TPTE: variants seen among roughly 807,000 people sequenced by gnomAD.
TPTE encodes transmembrane phosphatase with tensin homology, also known as putative tyrosine-protein phosphatase TPTE.
Under a neutral mutation model 84.1 loss-of-function variants are expected in TPTE, and 59 were observed. The ratio of observed to expected loss-of-function variants is 0.70; its 90% confidence interval spans 0.57 to 0.87. The LOEUF (loss-of-function observed/expected upper bound fraction) is 0.87. TPTE is among the 40% of genes least tolerant of loss of function. The pLI is 0.00. For synonymous variants in TPTE, 130 were observed against 223.5 expected, an observed-to-expected ratio of 0.58 and a Z score of 3.73; for missense variants, 382 against 659.6, an observed-to-expected ratio of 0.58 and a Z score of 4.61.
intron 14 of TPTE, among the ~76,000 whole-genome samples, chr21:10,571,996 C>T (rs1220591483): frequency 1.3e-3 from 197 of 151,138 alleles, no homozygotes; most frequent in African/African-American, 4.8e-3. Context: ...CAGAGTGATA[C>T]CCTGTCTCAA....
chr21:10,538,534 A>G lies in TPTE; in HGVS notation c.-43-147A>G, dbSNP rs575185555. The G allele has an allele frequency of 4.1e-5, 52 of 1,264,164 alleles. No homozygotes were observed. The South Asian group carries it at 5.6e-4, about 14-fold the overall frequency. 78.3% of individuals were successfully genotyped at this position (1,264,164 alleles called of 1,614,324 possible). A position where few individuals can be genotyped will look rare whatever the true frequency, so the allele number is the denominator to read the frequency against. On this transcript the variant is annotated intron_variant, in intron 3 of 23. Coordinates refer to ENST00000618007, the MANE Select transcript of TPTE (RefSeq NM_199261.4). ...ATAAATCCTCCTTTTTAATTAAAAA[A>G]TGACATTTCAGAACCAAATAGTGCT...
rs868862584 is a variant in TPTE, at chr21:10,600,493, C to T, written c.1357-1565C>T. On this transcript the variant is annotated intron_variant, in intron 21 of 23. Transcript: ENST00000618007. ...GCTGGTCTTTTTCCCTCCATTTGGA[C>T]TAGATTCTGTTTTCAGAGCTCTTCT... Among the ~76,000 whole-genome samples the T allele has an allele frequency of 5.2e-5, 8 of 152,400 alleles. No homozygotes were observed. In the East Asian group the frequency reaches 7.7e-4, roughly 15 times the overall value.
chr21:10,601,178 A>C (rs574027828), intron 21 of TPTE, among the ~76,000 whole-genome samples: 262 of 151,698 alleles, frequency 1.7e-3, no homozygotes, highest in Non-Finnish European at 3.1e-3. Flanking sequence ...CTAATGGAAA[A>C]TTCAATACTT....
At chr21:10,602,481 G>T (rs2145809146) in intron 22 of TPTE, among the ~76,000 whole-genome samples, 1 of 152,414 alleles carries the variant, frequency 6.6e-6, no homozygotes, top group African/African-American at 2.4e-5. Context: ...ATTACATTTT[G>T]TTTTGCATCT....
chr21:10,531,302 TACTC>T (rs2074174325), intron 3 of TPTE, among the ~76,000 whole-genome samples: 1 of 152,310 alleles, frequency 6.6e-6, no homozygotes, highest in East Asian at 1.9e-4. Context: ...GGTGAGTGAG[TACTC>T]ACTCTATTAG....
At chr21:10,583,974 C>T (rs1468877866) in intron 17 of TPTE, among the ~76,000 whole-genome samples, 1 of 152,312 alleles carries the variant, frequency 6.6e-6, no homozygotes, top group African/African-American at 2.4e-5. Flanking sequence ...TTTAGGTCAT[C>T]TATATTTCCA....
intron 21 of TPTE, among the ~76,000 whole-genome samples, chr21:10,599,585 TTA>T (rs1253936504): frequency 6.6e-6 from 1 of 152,424 alleles, no homozygotes; most frequent in South Asian, 2.1e-4. Context: ...TAAATAAGTG[TTA>T]TATGTGATAA....
intron 10 of TPTE, among the ~76,000 whole-genome samples, chr21:10,563,041 T>C (rs568808753): frequency 1.3e-5 from 2 of 152,308 alleles, no homozygotes; most frequent in African/African-American, 4.8e-5. Context: ...ACGATGGCGC[T>C]ACAATATATC....
rs750982678 is a variant in TPTE, at chr21:10,541,065, A to G, written c.12-47A>G. The G allele has an allele frequency of 1.8e-5, 29 of 1,610,902 alleles. No individual in the cohort carries two copies. In the South Asian group the frequency reaches 2.5e-4, roughly 14 times the overall value. On this transcript the variant is annotated intron_variant, in intron 4 of 23. Coordinates refer to ENST00000618007, the MANE Select transcript of TPTE (RefSeq NM_199261.4). ...TAACTGTAGCTATTTGTTGCAAAAC[A>G]TTAGAATTACGCATTGGGTCTGACT...
Position 10,534,847 on chromosome 21 carries a change from G to A in TPTE, c.-43-3834G>A, listed in dbSNP as rs545904870. Among the ~76,000 whole-genome samples the A allele has an allele frequency of 1.0e-4, 16 of 152,418 alleles. No homozygotes were observed. The East Asian group carries it at 2.9e-3, about 28-fold the overall frequency. On this transcript the variant is annotated intron_variant, in intron 3 of 23. Transcript: ENST00000618007. ...AAGTCTACTTCTTCCTAGCTGAGTTGACTAGTAGCTAAAACTTTCAGAAAA... is the reference window on the plus strand; with the variant it reads ...AAGTCTACTTCTTCCTAGCTGAGTTAACTAGTAGCTAAAACTTTCAGAAAA...
intron 21 of TPTE, 100 bp from the exon 22 acceptor site, chr21:10,601,958 A>AAG: frequency 1.5e-6 from 2 of 1,356,136 alleles, no homozygotes; most frequent in Non-Finnish European, 2.1e-6. Flanking sequence ...GTGAGACCAA[A>AAG]AGTACTTGAT....
chr21:10,578,875 T>A (rs2075217307), intron 17 of TPTE, among the ~76,000 whole-genome samples: 1 of 152,306 alleles, frequency 6.6e-6, no homozygotes, highest in Non-Finnish European at 1.5e-5. Context: ...GTATTTGGAT[T>A]TCTTTATTTT....
intron 10 of TPTE, among the ~76,000 whole-genome samples, chr21:10,564,040 G>C (rs1185376296): frequency 6.6e-6 from 1 of 152,312 alleles, no homozygotes; most frequent in African/African-American, 2.4e-5. Context: ...CGTAGTCCCA[G>C]CTACTCAGGA....
intron 3 of TPTE, among the ~76,000 whole-genome samples, chr21:10,536,761 A>C: frequency 6.6e-6 from 1 of 152,310 alleles, no homozygotes; most frequent in Admixed American, 6.5e-5. Context: ...AAAAAGGAAC[A>C]GGGCAAAAAA....
intron 8 of TPTE, among the ~76,000 whole-genome samples, chr21:10,555,915 C>T (rs1372677972): frequency 6.6e-6 from 1 of 152,312 alleles, no homozygotes; most frequent in Admixed American, 6.5e-5. Flanking sequence ...GCCTTTACTT[C>T]TATCTTCTTC....
At chr21:10,544,334 AAG>A (rs1317191840) in intron 7 of TPTE, among the ~76,000 whole-genome samples, 13 of 152,414 alleles carry the variant, frequency 8.5e-5, no homozygotes, top group African/African-American at 2.6e-4. Flanking sequence ...AAATTTTTAA[AAG>A]AATTTATTTT....
chr21:10,566,188 A>C (rs1359091110), intron 10 of TPTE, among the ~76,000 whole-genome samples: 3 of 152,312 alleles, frequency 2.0e-5, no homozygotes, highest in African/African-American at 4.8e-5. Context: ...CTAATCTTTT[A>C]AATGATAAGA....
At chr21:10,563,190 G>C (rs527767235) in intron 10 of TPTE, among the ~76,000 whole-genome samples, 22 of 152,406 alleles carry the variant, frequency 1.4e-4, no homozygotes, top group Middle Eastern at 3.4e-3. Flanking sequence ...GGGAAATAAA[G>C]ACTTTTCCAC....
chr21:10,528,236 T>A (rs1485975438), intron 3 of TPTE, among the ~76,000 whole-genome samples: 1 of 152,310 alleles, frequency 6.6e-6, no homozygotes, highest in Non-Finnish European at 1.5e-5. Flanking sequence ...ATGTTGTTTC[T>A]TACTATTTAC....
Sources: allele counts gnomAD v4.1 joint callset (sites outside exome capture counted in the v4.1 genomes callset), GRCh38; gene constraint gnomAD v4.1.1; transcripts MANE v1.5; gene names NCBI Gene and HGNC (gene_info 2026-07-23, HGNC 2026-07-21).